The following TAFA1 variants were observed in gnomAD, a reference collection of about 807,000 sequenced individuals.
The protein encoded by TAFA1 is chemokine-like protein TAFA-1.
A neutral mutation model predicts 18.5 loss-of-function variants in TAFA1; 4 were observed. The ratio of observed to expected loss-of-function variants is 0.22; its 90% CI spans 0.11 to 0.49. The LOEUF (loss-of-function observed/expected upper bound fraction) is 0.49, where lower values mean the gene tolerates loss of function less well. Among genes scored for constraint, TAFA1 ranks in the 20% least tolerant of loss-of-function variants. The pLI is 0.98. For missense variants in TAFA1, 147 were observed against 169.0 expected (o/e 0.87, Z 0.72); for synonymous variants, 56 against 55.2 (o/e 1.01, Z -0.06).
Position 68,099,325 on chromosome 3 carries a change from G to A in TAFA1, c.118+92581G>A, listed in dbSNP as rs138329874. 1.1e-3 allele frequency among the ~76,000 whole-genome samples: 170 copies of A among 152,032 alleles called. No individual in the cohort carries two copies. The East Asian group carries it at 0.025, about 22-fold the overall frequency. ...CAATAAGCAAAACCAAAATGACCCC[G>A]TTTAAAAGTGGGAAAAGGACATGAA... On this transcript the variant is annotated intron_variant, in intron 2 of 4. Transcript: ENST00000478136.
At chr3:68,055,895 C>G (rs1229448212) in intron 2 of TAFA1, among the ~76,000 whole-genome samples, 2 of 152,116 alleles carry the variant, frequency 1.3e-5, no homozygotes, top group African/African-American at 4.8e-5. Flanking sequence ...CTGATCTTTT[C>G]TCTGCCTGCA....
intron 2 of TAFA1, among the ~76,000 whole-genome samples, chr3:68,017,168 T>C (rs1259539350): frequency 1.3e-5 from 2 of 152,186 alleles, no homozygotes; most frequent in Admixed American, 6.5e-5. Context: ...CATGAGTACA[T>C]GTTACTTGGA....
intron 2 of TAFA1, among the ~76,000 whole-genome samples, chr3:68,324,375 G>A (rs1032796982): frequency 1.3e-5 from 2 of 152,100 alleles, no homozygotes; most frequent in African/African-American, 4.8e-5. Context: ...TACAAAATAT[G>A]TTTGAAAATT....
rs182778032 is a variant in TAFA1, at chr3:68,474,369, A to G, written c.259+56949A>G. On this transcript the variant is annotated intron_variant, in intron 3 of 4. Transcript: ENST00000478136. ...GTCCATTCATCCATTCGAGAATCTGAAGCTTTGCCTGGAGGCCGATTTCCA... is the reference window on the plus strand; with the variant it reads ...GTCCATTCATCCATTCGAGAATCTGGAGCTTTGCCTGGAGGCCGATTTCCA... Among the ~76,000 whole-genome samples, 696 of 152,318 alleles carry G rather than the reference A, an allele frequency of 4.6e-3. 5 individuals carry two copies. The highest frequency in any genetic ancestry group is 4.8e-3 in the Non-Finnish European group (328 of 68,022).
Position 68,343,728 on chromosome 3 carries a change from C to T in TAFA1, c.119-73552C>T, listed in dbSNP as rs142949771. On this transcript the variant is annotated intron_variant, in intron 2 of 4. Transcript: ENST00000478136. ...TTTTATGTTGTCCTGTTTGTGTAGC[C>T]GGGTTTGTAGTTCTTGCTGTGAACA... Among the ~76,000 whole-genome samples, 552 of 152,102 alleles carry T rather than the reference C, an allele frequency of 3.6e-3. 3 individuals are homozygous for T. The highest frequency in any genetic ancestry group is 0.013 in the African/African-American group (525 of 41,472).
intron 2 of TAFA1, among the ~76,000 whole-genome samples, chr3:68,297,716 AGTG>A (rs528035245): frequency 1.1e-4 from 16 of 152,046 alleles, no homozygotes; most frequent in African/African-American, 3.4e-4. Flanking sequence ...TCCTGATATC[AGTG>A]GGATTTCTGA....
At chr3:68,066,168 A>T (rs994809369) in intron 2 of TAFA1, among the ~76,000 whole-genome samples, 1 of 152,192 alleles carries the variant, frequency 6.6e-6, no homozygotes, top group African/African-American at 2.4e-5. Context: ...TTATCAAATC[A>T]TACATGAAAT....
intron 3 of TAFA1, among the ~76,000 whole-genome samples, chr3:68,461,368 T>TATATAC (rs2071776089): frequency 7.1e-6 from 1 of 140,426 alleles, no homozygotes; most frequent in African/African-American, 2.8e-5. Flanking sequence ...TGCATATATA[T>TATATAC]ATATATATAT....
At chr3:68,225,144 G>A (rs755923393) in intron 2 of TAFA1, among the ~76,000 whole-genome samples, 4 of 151,618 alleles carry the variant, frequency 2.6e-5, no homozygotes, top group Non-Finnish European at 5.9e-5. Context: ...TCCTGACCTC[G>A]TGATCCACCT....
chr3:68,047,922 T>C (rs1464725583), intron 2 of TAFA1, among the ~76,000 whole-genome samples: 2 of 152,150 alleles, frequency 1.3e-5, no homozygotes, highest in Non-Finnish European at 2.9e-5. Context: ...TTCCAGATTA[T>C]GCGAATGGAT....
chr3:68,400,865 C>T (rs2070473649), intron 2 of TAFA1, among the ~76,000 whole-genome samples: 1 of 152,158 alleles, frequency 6.6e-6, no homozygotes, highest in Non-Finnish European at 1.5e-5. Flanking sequence ...AGCGGACTTT[C>T]ATTTTTATAC....
intron 2 of TAFA1, among the ~76,000 whole-genome samples, chr3:68,317,223 T>A (rs1162989252): frequency 2.0e-5 from 3 of 152,190 alleles, no homozygotes; most frequent in Non-Finnish European, 4.4e-5. Context: ...GTCCTGCCTT[T>A]CCGAAGATTT....
intron 2 of TAFA1, among the ~76,000 whole-genome samples, chr3:68,318,554 A>G (rs1204219595): frequency 6.6e-6 from 1 of 152,182 alleles, no homozygotes; most frequent in African/African-American, 2.4e-5. Context: ...TACAGTCTTG[A>G]CCAGAATCCA....
chr3:68,049,410 A>G (rs1259364555), intron 2 of TAFA1, among the ~76,000 whole-genome samples: 2 of 152,090 alleles, frequency 1.3e-5, no homozygotes, highest in East Asian at 3.9e-4. Context: ...GTAGCTGTCT[A>G]TCAATCAAGT....
intron 3 of TAFA1, among the ~76,000 whole-genome samples, chr3:68,421,850 C>A (rs1282470402): frequency 6.6e-6 from 1 of 152,008 alleles, no homozygotes; most frequent in Non-Finnish European, 1.5e-5. Flanking sequence ...AGTTTTGTTT[C>A]ATATTAATTG....
chr3:68,164,449 C>T (rs1361087089), intron 2 of TAFA1, among the ~76,000 whole-genome samples: 2 of 152,130 alleles, frequency 1.3e-5, no homozygotes, highest in African/African-American at 2.4e-5. Flanking sequence ...TTTTGTCCCC[C>T]TTGGGTAATT....
At chr3:68,056,209 G>T (rs4129248) in intron 2 of TAFA1, among the ~76,000 whole-genome samples, 76,848 of 151,946 alleles carry the variant, frequency 0.51, 19,845 homozygotes, top group South Asian at 0.64. Flanking sequence ...ACTAGCAATG[G>T]TAATTTTGTT....
rs548985382 is a variant in TAFA1 at position 68,320,392 on chromosome 3, C to T, written c.119-96888C>T. 2.0e-5 allele frequency among the ~76,000 whole-genome samples: 3 copies of T among 152,294 alleles called. No homozygotes were observed. The East Asian group carries it at 5.8e-4, about 29-fold the overall frequency. ...GAGAGGCTGCCCACTGCAGACTGTA[C>T]TTTCCAGGCTCTTGTGCCAGCTGGA... On this transcript the variant is annotated intron_variant, in intron 2 of 4. Transcript: ENST00000478136.
intron 2 of TAFA1, among the ~76,000 whole-genome samples, chr3:68,308,899 G>A (rs192276854): frequency 2.0e-5 from 3 of 152,244 alleles, no homozygotes; most frequent in African/African-American, 7.2e-5. Flanking sequence ...AGCCTACACA[G>A]CTTGAATGAT....
Sources: allele counts gnomAD v4.1 joint callset (sites outside exome capture counted in the v4.1 genomes callset), GRCh38; gene constraint gnomAD v4.1.1; transcripts MANE v1.5; gene names NCBI Gene and HGNC (gene_info 2026-07-23, HGNC 2026-07-21).